Variants in OXR1 observed in about 807,000 individuals in gnomAD.
OXR1 encodes oxidation resistance protein 1.
Under a neutral mutation model 104.6 loss-of-function variants are expected in OXR1, and 41 were observed. That is an observed-to-expected ratio of 0.39 (90% CI 0.31 to 0.51). The LOEUF is 0.51. OXR1 is among the 20% of genes least tolerant of loss of function. The pLI is 0.77. For missense variants in OXR1, 955 were observed against 1,031.9 expected, an observed-to-expected ratio of 0.93 and a Z score of 1.02; for synonymous variants, 348 against 348.4, an observed-to-expected ratio of 1.00 and a Z score of 0.01.
intron 2 of OXR1, among the ~76,000 whole-genome samples, chr8:106,491,090 A>T (rs1260908151): frequency 6.6e-6 from 1 of 152,162 alleles, no homozygotes; most frequent in African/African-American, 2.4e-5. Flanking sequence ...TGCTTCCTCG[A>T]CGCTCCGCTC....
chr8:106,515,108 G>A (rs1041577722), intron 2 of OXR1, among the ~76,000 whole-genome samples: 1 of 152,092 alleles, frequency 6.6e-6, no homozygotes, highest in Non-Finnish European at 1.5e-5. Context: ...GCGTGTGTAA[G>A]TGTGCTCTCC....
At chr8:106,616,218 A>ATTTTTTT (rs372788802) in intron 3 of OXR1, among the ~76,000 whole-genome samples, 46 of 96,032 alleles carry the variant, frequency 4.8e-4, no homozygotes, top group Non-Finnish European at 7.2e-4. Context: ...ATTTTTTGGA[A>ATTTTTTT]TTTTTTTTTT....
At chr8:106,389,164 T>C (rs1817500248) in intron 2 of OXR1, among the ~76,000 whole-genome samples, 1 of 152,194 alleles carries the variant, frequency 6.6e-6, no homozygotes, top group Non-Finnish European at 1.5e-5. Context: ...ATTTTTGTAA[T>C]GATGACATTG....
chr8:106,707,578 A>G (rs1297406157), intron 9 of OXR1: 5 of 226,110 alleles, frequency 2.2e-5, no homozygotes, highest in African/African-American at 1.1e-4. Flanking sequence ...AGTTAAACCT[A>G]AAAGTGTACT....
At chr8:106,737,671 C>T in intron 12 of OXR1, 71 bp downstream of exon 12, 1 of 532,524 alleles carries the variant, frequency 1.9e-6, no homozygotes, top group Non-Finnish European at 3.0e-6. Flanking sequence ...TTTGTCATGG[C>T]AAATCTCATT....
rs182517501 is a variant in OXR1 at position 106,561,359 on chromosome 8, G to T, written c.220+42220G>T. On this transcript the variant is annotated intron_variant, in intron 3 of 16. Coordinates refer to ENST00000517566, the MANE Select transcript of OXR1 (RefSeq NM_001198533.2). ...CCTCACAGTATAAACAAAGCCACCA[G>T]AAATTTCATACTGGGCAGACCCCAC... Among the ~76,000 whole-genome samples, 255 of 152,252 alleles carry T rather than the reference G, an allele frequency of 1.7e-3. 1 individual carries two copies. The highest frequency in any genetic ancestry group is 6.0e-3 in the African/African-American group (248 of 41,552).
At chr8:106,538,737 C>G (rs1293580509) in intron 3 of OXR1, among the ~76,000 whole-genome samples, 1 of 152,126 alleles carries the variant, frequency 6.6e-6, no homozygotes, top group African/African-American at 2.4e-5. Flanking sequence ...TTCTGACAAA[C>G]TCAACAATTG....
At chr8:106,525,319 A>G (rs1813576166) in intron 3 of OXR1, among the ~76,000 whole-genome samples, 1 of 152,160 alleles carries the variant, frequency 6.6e-6, no homozygotes, top group African/African-American at 2.4e-5. Flanking sequence ...AAGTCCAGAG[A>G]GGTTAGGAGA....
intron 3 of OXR1, among the ~76,000 whole-genome samples, chr8:106,676,272 C>T (rs1473723462): frequency 3.3e-5 from 5 of 152,022 alleles, no homozygotes; most frequent in Non-Finnish European, 7.4e-5. Flanking sequence ...CAGCTTGCCA[C>T]TCCGTCTTTT....
chr8:106,351,866 C>T (rs1354211872), intron 1 of OXR1, among the ~76,000 whole-genome samples: 1 of 152,156 alleles, frequency 6.6e-6, no homozygotes, highest in African/African-American at 2.4e-5. Context: ...TTATCATGAG[C>T]TTATTACTAC....
At chr8:106,539,537 A>T (rs969956827) in intron 3 of OXR1, among the ~76,000 whole-genome samples, 1 of 152,216 alleles carries the variant, frequency 6.6e-6, no homozygotes, top group Admixed American at 6.5e-5. Flanking sequence ...CTCGGTAAAC[A>T]TATTGCTAAG....
intron 1 of OXR1, among the ~76,000 whole-genome samples, chr8:106,325,650 A>G (rs1644701673): frequency 6.6e-6 from 1 of 152,208 alleles, no homozygotes; most frequent in South Asian, 2.1e-4. Flanking sequence ...AGTACAAGTC[A>G]GTCCTTGAGT....
At chr8:106,698,358 G>C (rs1467081512) in intron 7 of OXR1, among the ~76,000 whole-genome samples, 6 of 152,054 alleles carry the variant, frequency 3.9e-5, no homozygotes, top group African/African-American at 1.4e-4. Flanking sequence ...ATTTTATTAG[G>C]ATGTGCCCTG....
intron 2 of OXR1, among the ~76,000 whole-genome samples, chr8:106,427,248 T>G (rs1036237876): frequency 6.6e-6 from 1 of 152,096 alleles, no homozygotes; most frequent in Non-Finnish European, 1.5e-5. Flanking sequence ...CTCGGCTCAC[T>G]GCAAGCCTCC....
intron 3 of OXR1, among the ~76,000 whole-genome samples, chr8:106,673,616 G>A (rs1827264198): frequency 6.6e-6 from 1 of 152,156 alleles, no homozygotes; most frequent in South Asian, 2.1e-4. Flanking sequence ...CCAAGACAAT[G>A]GGTAAAATGT....
At chr8:106,611,514 C>T (rs150474576) in intron 3 of OXR1, among the ~76,000 whole-genome samples, 160 of 152,240 alleles carry the variant, frequency 1.1e-3, no homozygotes, top group African/African-American at 3.6e-3. Flanking sequence ...AAGAGAGCAT[C>T]CCTAGTAAAA....
chr8:106,279,021 G>A (rs1317191416), intron 1 of OXR1, among the ~76,000 whole-genome samples: 3 of 152,076 alleles, frequency 2.0e-5, no homozygotes, highest in Non-Finnish European at 4.4e-5. Flanking sequence ...CCACAGAAAT[G>A]AACCAGACTT....
At chr8:106,294,545 A>T (rs141129848) in intron 1 of OXR1, among the ~76,000 whole-genome samples, 17 of 152,254 alleles carry the variant, frequency 1.1e-4, no homozygotes, top group African/African-American at 4.1e-4. Flanking sequence ...GGAAGCTTAC[A>T]ATCATGGCAG....
At chr8:106,393,671 A>G (rs1817668037) in intron 2 of OXR1, among the ~76,000 whole-genome samples, 1 of 152,026 alleles carries the variant, frequency 6.6e-6, no homozygotes, top group South Asian at 2.1e-4. Context: ...AGGTGGATTG[A>G]AAGGTGCTAT....
Sources: gnomAD v4.1 joint callset for allele counts (sites outside exome capture counted in the v4.1 genomes callset) on GRCh38, gnomAD v4.1.1 for gene constraint, MANE v1.5 for transcripts, NCBI Gene and HGNC (gene_info 2026-07-23, HGNC 2026-07-21) for gene names.